CCDC88B: variants seen among roughly 807,000 people sequenced by gnomAD.
CCDC88B encodes the protein coiled-coil domain-containing protein 88B.
In CCDC88B, 138 loss-of-function variants were observed where a neutral mutation model predicts 183.7. That is an observed-to-expected ratio of 0.75 (90% CI 0.65 to 0.87). CCDC88B has a LOEUF of 0.87. CCDC88B is among the 40% of genes least tolerant of loss of function. The probability of loss-of-function intolerance (pLI) is 0.00; values close to 1 mark genes in which losing one functional copy is unlikely to be tolerated. For missense variants in CCDC88B, 1,822 were observed against 1,965.6 expected, an observed-to-expected ratio of 0.93 and a Z score of 1.38; for synonymous variants, 835 against 867.5, an observed-to-expected ratio of 0.96 and a Z score of 0.66.
chr11:64,355,596 T>C lies in CCDC88B; in HGVS notation c.4343T>C (p.Leu1448Pro). 6.2e-7 allele frequency: 1 copy of C among 1,612,492 alleles called. No homozygotes were observed. Among genetic ancestry groups the C allele is most frequent in the East Asian group, 2.2e-5 (1 of 44,844 alleles). Reference protein sequence around the residue: ...GVGWENSAETLQEHETDANRE... With the variant: ...GVGWENSAETPQEHETDANRE... ...GGATGGGAGAACTCCGCTGAGACCC[T>C]GCAGGAACACGAAACAGATGCCAAC... The change falls in exon 26 of 27, where the codon CTG (leucine) becomes CCG (proline). Residue 1448 changes from leucine to proline, a missense_variant. Physicochemically the swap from Leu to Pro is moderately conservative, Grantham distance 98. Transcript: ENST00000356786.
intron 14 of CCDC88B, among the ~76,000 whole-genome samples, chr11:64,345,361 G>A (rs1357689362): frequency 6.6e-6 from 1 of 152,164 alleles, no homozygotes; most frequent in Non-Finnish European, 1.5e-5. Flanking sequence ...GGGGCGCTGT[G>A]GGAGGGGGTG....
intron 14 of CCDC88B, among the ~76,000 whole-genome samples, chr11:64,345,501 A>G (rs575635417): frequency 2.0e-5 from 3 of 152,270 alleles, no homozygotes; most frequent in Non-Finnish European, 2.9e-5. Context: ...CTTGGGAGAC[A>G]GTAGCTGTAA....
At chr11:64,343,047 G>C (rs2035948342) in intron 10 of CCDC88B, 132 bp from the exon 11 acceptor site, 1 of 1,065,214 alleles carries the variant, frequency 9.4e-7, no homozygotes. Flanking sequence ...GCGGGGCCTA[G>C]AGACTGATGG....
intron 17 of CCDC88B, 63 bp downstream of exon 17, chr11:64,351,318 G>A (rs575544241): frequency 8.7e-6 from 13 of 1,489,250 alleles, no homozygotes; most frequent in Middle Eastern, 2.1e-4. Flanking sequence ...GTGGGTCCAC[G>A]GTGGACCCTG....
At position 64,340,727 on chromosome 11, in the gene CCDC88B, C is replaced by T. The variant is rs763490300; in HGVS notation, c.181C>T (p.Leu61=). The T allele has an allele frequency of 3.1e-6, 5 of 1,612,018 alleles. No homozygotes were observed. The Admixed American group carries it at 8.3e-5, about 27-fold the overall frequency. ...ATTCCTGCGCCTCAGCGATGGGGCC[C>T]TGCTCCTCCGGGTGCTGGGCATCAT... ...KRFLRLSDGA[L]LLRVLGIIAP... is the part of the protein sequence containing the mutation. The change falls in exon 2 of 27, where the codon CTG becomes TTG. Residue 61 remains leucine (L), a synonymous_variant. Coordinates refer to ENST00000356786, the MANE Select transcript of CCDC88B (RefSeq NM_032251.6).
At position 64,352,123 on chromosome 11, in the gene CCDC88B, A is replaced by G; in HGVS notation, c.3100-7A>G. The G allele has an allele frequency of 1.9e-6, 3 of 1,547,002 alleles. No individual in the cohort carries two copies. The highest frequency in any genetic ancestry group is 2.6e-6 in the Non-Finnish European group (3 of 1,142,140). On this transcript the variant is annotated splice_polypyrimidine_tract_variant and splice_region_variant and intron_variant, in intron 18 of 26. Coordinates refer to ENST00000356786, the MANE Select transcript of CCDC88B (RefSeq NM_032251.6). ...CCAGCAGCCCCTGCTTCCCTCCTCCATCCTAGGCCGAGAAGTCTGTGCTGG... is the reference window on the plus strand; with the variant it reads ...CCAGCAGCCCCTGCTTCCCTCCTCCGTCCTAGGCCGAGAAGTCTGTGCTGG...
rs770172575 is a variant in CCDC88B, at chr11:64,351,664, C to T, written c.3099+48C>T. 35 of 1,495,680 alleles carry T rather than the reference C, an allele frequency of 2.3e-5. No individual in the cohort carries two copies. The East Asian group carries it at 8.2e-4, about 35-fold the overall frequency. The allele number at this position is 1,495,680 out of a possible 1,614,324, so 92.7% of individuals were successfully genotyped here. A position where few individuals can be genotyped will look rare whatever the true frequency, so the allele number is the denominator to read the frequency against. On this transcript the variant is annotated intron_variant, in intron 18 of 26. Transcript: ENST00000356786. ...ATCCCTGCCCATGTACTGCCCCCTC[C>T]TGCTCCTTTTGGATCATCCTGTGGC...
Position 64,342,693 on chromosome 11 carries a change from C to G in CCDC88B, c.1062+13C>G. On this transcript the variant is annotated intron_variant, in intron 10 of 26. Transcript: ENST00000356786. Reference sequence around the variant, plus strand: ...GAGTCAGCTGGAGGTGAGGCGGAGACGGAGCCGCGGGGCGGGGCGTGCGCG... The same window carrying G: ...GAGTCAGCTGGAGGTGAGGCGGAGAGGGAGCCGCGGGGCGGGGCGTGCGCG... 2.7e-6 allele frequency: 4 copies of G among 1,465,072 alleles called. No homozygotes were observed. Among genetic ancestry groups the G allele is most frequent in the Non-Finnish European group, 3.6e-6 (4 of 1,115,024 alleles). 90.8% of individuals were successfully genotyped at this position (1,465,072 alleles called of 1,614,324 possible).
In CCDC88B at chr11:64,355,549, G is replaced by A; in HGVS notation, c.4307-11G>A. The A allele has an allele frequency of 6.2e-7, 1 of 1,613,020 alleles. No individual in the cohort carries two copies. ...TGGCCCTGGGCCCAGTGGTTGCCTT[G>A]TGCCTCCCAGGACCTGGTGTGGGAT... On this transcript the variant is annotated splice_polypyrimidine_tract_variant and intron_variant, in intron 25 of 26. Transcript: ENST00000356786.
chr11:64,356,131 T>C (rs2036539665), intron 26 of CCDC88B: 1 of 151,756 alleles, frequency 6.6e-6, no homozygotes, highest in South Asian at 2.1e-4. Context: ...ATTACAGGCA[T>C]GGGCCACCAC....
rs765893595 is a variant in CCDC88B, at chr11:64,342,293, GGGA to G, written c.826_828del (p.Glu276del). 33 of 1,586,100 alleles carry G rather than the reference GGGA, an allele frequency of 2.1e-5. No homozygotes were observed. Among genetic ancestry groups the G allele is most frequent in the Non-Finnish European group, 2.5e-5 (29 of 1,166,934 alleles). ...CCTCCCTAGACTCCCCTTCCCTCCA[GGGA>G]GGAGAAGGCCGAGCTGCTGCTAGAC... On this transcript the variant is annotated inframe_deletion and splice_region_variant, in exon 9 of 27. Coordinates refer to ENST00000356786, the MANE Select transcript of CCDC88B (RefSeq NM_032251.6).
intron 14 of CCDC88B, among the ~76,000 whole-genome samples, chr11:64,346,837 C>A (rs1214905564): frequency 6.6e-6 from 1 of 151,694 alleles, no homozygotes; most frequent in Non-Finnish European, 1.5e-5. Context: ...GAGTCTCCCT[C>A]TGTCACCAGG....
At chr11:64,348,111 C>T (rs761850857) in intron 14 of CCDC88B, among the ~76,000 whole-genome samples, 20 of 149,224 alleles carry the variant, frequency 1.3e-4, no homozygotes, top group Non-Finnish European at 2.7e-4. Flanking sequence ...AGATAATGAG[C>T]GTAGGGAGCT....
At chr11:64,355,852 G>A (rs1450810945) in intron 26 of CCDC88B, 2 of 440,044 alleles carry the variant, frequency 4.5e-6, no homozygotes, top group South Asian at 4.6e-5. Context: ...CTAGAAATAT[G>A]GTGTGAACCA....
chr11:64,341,820 G>C, intron 7 of CCDC88B, 78 bp downstream of exon 7: 1 of 1,516,356 alleles, frequency 6.6e-7, no homozygotes, highest in Non-Finnish European at 8.8e-7. Context: ...CAAGGGAGAT[G>C]GAAGTTTGGG....
At position 64,348,438 on chromosome 11, in the gene CCDC88B, C is replaced by T. The variant is rs571727233; in HGVS notation, c.2617-893C>T. On this transcript the variant is annotated intron_variant, in intron 14 of 26. Coordinates refer to ENST00000356786, the MANE Select transcript of CCDC88B (RefSeq NM_032251.6). ...GGAGGAGGGCAGGGCAGGGGCTGGG[C>T]GGGAGGTTCTATTCACCGTGCCTCC... Among the ~76,000 whole-genome samples the T allele has an allele frequency of 1.5e-4, 23 of 151,468 alleles. No individual in the cohort carries two copies. In the East Asian group the frequency reaches 4.1e-3, roughly 27 times the overall value.
intron 8 of CCDC88B, 74 bp downstream of exon 8, chr11:64,342,213 G>T: frequency 6.3e-7 from 1 of 1,583,354 alleles, no homozygotes; most frequent in Non-Finnish European, 8.6e-7. Flanking sequence ...CCTAGCCCTG[G>T]TGGCTACGGG....
intron 20 of CCDC88B, 72 bp downstream of exon 20, chr11:64,352,959 C>A: frequency 1.3e-6 from 2 of 1,506,466 alleles, no homozygotes; most frequent in Admixed American, 2.1e-5. Context: ...GGTGTGGGGT[C>A]CTGTCTGGCC....
In CCDC88B at chr11:64,344,863, G is replaced by A. The variant is rs754767039; in HGVS notation, c.2322G>A (p.Arg774=). Residue 774 remains arginine, a synonymous_variant, in exon 14 of 27, where the codon AGG becomes AGA. Transcript: ENST00000356786. The surrounding 1 kb of genome is among the most constrained non-coding windows in gnomAD (Gnocchi z 4.5). ...RLSKELAQAR[R]AEAEAHREAE... is the part of the protein sequence containing the mutation. ...CCAAGGAGCTGGCCCAAGCGCGAAGGGCAGAGGCCGAGGCCCACCGGGAGG... is the reference window on the plus strand; with the variant it reads ...CCAAGGAGCTGGCCCAAGCGCGAAGAGCAGAGGCCGAGGCCCACCGGGAGG... 6 of 1,608,084 alleles carry A rather than the reference G, an allele frequency of 3.7e-6. No individual in the cohort carries two copies. The highest frequency in any genetic ancestry group is 3.4e-5 in the Admixed American group (2 of 59,076).
Sources: gnomAD v4.1 joint callset for allele counts (sites outside exome capture counted in the v4.1 genomes callset) on GRCh38, gnomAD v4.1.1 for gene constraint, Gnocchi (gnomAD v3.1) non-coding constraint, MANE v1.5 for transcripts, NCBI Gene and HGNC (gene_info 2026-07-23, HGNC 2026-07-21) for gene names.